CNBD1: variants seen among roughly 807,000 people sequenced by gnomAD.
The protein encoded by CNBD1 is cyclic nucleotide-binding domain-containing protein 1.
CNBD1 carries 71 observed loss-of-function variants against 54.4 expected under a neutral mutation model. The ratio of observed to expected loss-of-function variants is 1.30; its 90% CI spans 1.08 to 1.59. The LOEUF is 1.59. CNBD1 is among the 40% of genes most tolerant of loss of function. CNBD1 has a pLI of 0.00. For synonymous variants in CNBD1, 182 were observed against 170.7 expected (o/e 1.07, Z -0.51); for missense variants, 659 against 518.0 (o/e 1.27, Z -2.64).
intron 10 of CNBD1, among the ~76,000 whole-genome samples, chr8:87,376,017 A>G (rs967888548): frequency 1.2e-4 from 18 of 151,482 alleles, no homozygotes; most frequent in Non-Finnish European, 1.3e-4. Context: ...AAATTTAAAA[A>G]TTATGCAATA....
At chr8:87,352,968 C>T (rs948555517) in intron 9 of CNBD1, among the ~76,000 whole-genome samples, 2 of 152,104 alleles carry the variant, frequency 1.3e-5, no homozygotes, top group African/African-American at 4.8e-5. Flanking sequence ...GGGCTATATT[C>T]TCTTTTATAT....
At chr8:87,392,326 C>T (rs529110541) in intron 2 of CNBD1, among the ~76,000 whole-genome samples, 2 of 152,046 alleles carry the variant, frequency 1.3e-5, no homozygotes, top group South Asian at 4.1e-4. Context: ...GAAGTGAAAA[C>T]ATATGTACAT....
intron 6 of CNBD1, among the ~76,000 whole-genome samples, chr8:87,255,627 C>T (rs563976130): frequency 5.9e-5 from 9 of 151,280 alleles, no homozygotes; most frequent in African/African-American, 1.9e-4. Flanking sequence ...AAATCTTTTC[C>T]TCAGTCATTC....
chr8:87,315,947 CATA>C (rs1251741779), intron 8 of CNBD1, among the ~76,000 whole-genome samples: 5 of 151,882 alleles, frequency 3.3e-5, no homozygotes, highest in Admixed American at 6.6e-5. Context: ...ATGCATGTAT[CATA>C]ATATCACATG....
intron 2 of CNBD1, among the ~76,000 whole-genome samples, chr8:87,424,661 T>A (rs1303046344): frequency 6.6e-6 from 1 of 152,198 alleles, no homozygotes; most frequent in Non-Finnish European, 1.5e-5. Context: ...AGCTCTCTTC[T>A]GGCTTGTACG....
chr8:87,346,542 TATC>T (rs1170933314), intron 8 of CNBD1, among the ~76,000 whole-genome samples: 20 of 152,198 alleles, frequency 1.3e-4, no homozygotes, highest in African/African-American at 4.6e-4. Flanking sequence ...GTGATGTCTC[TATC>T]TATGTGTATA....
intron 2 of CNBD1, among the ~76,000 whole-genome samples, chr8:87,393,352 A>T (rs370110616): frequency 6.6e-6 from 1 of 151,932 alleles, no homozygotes; most frequent in African/African-American, 2.4e-5. Flanking sequence ...TGTGCTGCCA[A>T]TTAGATAAGA....
At chr8:86,982,765 T>C (rs968771299) in intron 4 of CNBD1, among the ~76,000 whole-genome samples, 1 of 152,182 alleles carries the variant, frequency 6.6e-6, no homozygotes, top group African/African-American at 2.4e-5. Context: ...TTTTGCCTTT[T>C]CTAAGTCCCC....
intron 4 of CNBD1, among the ~76,000 whole-genome samples, chr8:87,134,594 CTTTTTTTTTTTTTTTT>C (rs1167232265): frequency 1.1e-5 from 1 of 86,964 alleles, no homozygotes. Flanking sequence ...ATTAGATTAC[CTTTTTTTTTTTTTTTT>C]TTTTTTTTTT....
At position 87,173,662 on chromosome 8, in the gene CNBD1, T is replaced by C. The variant is rs150691615; in HGVS notation, c.432-32331T>C. On this transcript the variant is annotated intron_variant, in intron 4 of 10. Coordinates refer to ENST00000518476, the MANE Select transcript of CNBD1 (RefSeq NM_173538.3). ...AGACCTATTGGAGCTCCATTATATGTTATTTTTTTTTTTCGTTGCTTTTAG... is the reference window on the plus strand; with the variant it reads ...AGACCTATTGGAGCTCCATTATATGCTATTTTTTTTTTTCGTTGCTTTTAG... Among the ~76,000 whole-genome samples, 278 of 103,148 alleles carry C rather than the reference T, an allele frequency of 2.7e-3. 2 individuals carry two copies. Among genetic ancestry groups the C allele is most frequent in the African/African-American group, 0.014 (271 of 19,472 alleles). 67.7% of individuals were successfully genotyped at this position (103,148 alleles called of 152,430 possible). A position where few individuals can be genotyped will look rare whatever the true frequency, so the allele number is the denominator to read the frequency against.
chr8:87,027,220 G>A (rs992552654), intron 4 of CNBD1, among the ~76,000 whole-genome samples: 1 of 152,054 alleles, frequency 6.6e-6, no homozygotes, highest in African/African-American at 2.4e-5. Context: ...AATGAAGACT[G>A]TGAACCAACA....
At chr8:87,385,862 A>C (rs144458363), downstream of CNBD1, among the ~76,000 whole-genome samples, 2,873 of 152,224 alleles carry the variant, frequency 0.019, 92 homozygotes, top group African/African-American at 0.063. Context: ...CTGGGAGGCA[A>C]CACCCAGTAG....
chr8:87,156,700 A>C (rs1362670900), intron 4 of CNBD1, among the ~76,000 whole-genome samples: 1 of 152,052 alleles, frequency 6.6e-6, no homozygotes, highest in African/African-American at 2.4e-5. Flanking sequence ...AACTTTATTC[A>C]GGGTTGGGGG....
intron 8 of CNBD1, among the ~76,000 whole-genome samples, chr8:87,318,100 T>A (rs1352559540): frequency 2.6e-5 from 4 of 152,082 alleles, no homozygotes; most frequent in African/African-American, 9.7e-5. Flanking sequence ...TTTTTTTCAC[T>A]AACTTCATAA....
chr8:87,427,399 G>T (rs1352237287), intron 2 of CNBD1, among the ~76,000 whole-genome samples: 1 of 152,028 alleles, frequency 6.6e-6, no homozygotes, highest in Non-Finnish European at 1.5e-5. Context: ...TTATTCAGTA[G>T]GCTGTATAAG....
intron 4 of CNBD1, among the ~76,000 whole-genome samples, chr8:87,007,016 G>A (rs746883836): frequency 8.5e-5 from 13 of 152,130 alleles, no homozygotes; most frequent in Admixed American, 2.6e-4. Context: ...GGCCAACATG[G>A]CAAAACTCTG....
chr8:87,111,123 A>AT, intron 4 of CNBD1, among the ~76,000 whole-genome samples: 1 of 152,156 alleles, frequency 6.6e-6, no homozygotes, highest in Non-Finnish European at 1.5e-5. Flanking sequence ...AGGATGTTAT[A>AT]TTTTTTGATT....
chr8:87,256,207 G>C (rs1277319075), intron 6 of CNBD1, among the ~76,000 whole-genome samples: 1 of 149,826 alleles, frequency 6.7e-6, no homozygotes, highest in African/African-American at 2.5e-5. Flanking sequence ...ATTTTTAGTA[G>C]AGATGGTGTT....
At chr8:87,363,116 T>C (rs1305203165) in intron 10 of CNBD1, among the ~76,000 whole-genome samples, 1 of 152,058 alleles carries the variant, frequency 6.6e-6, no homozygotes, top group Non-Finnish European at 1.5e-5. Context: ...TGGTTTTCTG[T>C]TGTTGTGTTA....
Sources: allele counts gnomAD v4.1 joint callset (sites outside exome capture counted in the v4.1 genomes callset), GRCh38; gene constraint gnomAD v4.1.1; transcripts MANE v1.5; gene names NCBI Gene and HGNC (gene_info 2026-07-23, HGNC 2026-07-21).